Variants in UNC5D observed in about 807,000 individuals in gnomAD.
UNC5D encodes netrin receptor UNC5D.
Under a neutral mutation model 105.4 loss-of-function variants are expected in UNC5D, and 39 were observed. That is an observed-to-expected ratio of 0.37 (90% CI 0.29 to 0.48). The LOEUF is 0.48. Among genes scored for constraint, UNC5D ranks in the 20% least tolerant of loss-of-function variants. The pLI, the probability that UNC5D is intolerant of heterozygous loss-of-function variation, is 0.98. For synonymous variants in UNC5D, 452 were observed against 450.4 expected (o/e 1.00, Z -0.04); for missense variants, 991 against 1,202.4 (o/e 0.82, Z 2.60).
In UNC5D at chr8:35,309,468, A is replaced by G. The variant is rs1585552862; in HGVS notation, c.103+73581A>G. Reference sequence around the variant, plus strand: ...TCTTCTCAGGATTTGTGGGTCTTTGACTATGTTAACTGGGAAATATGTGTC... The same window carrying G: ...TCTTCTCAGGATTTGTGGGTCTTTGGCTATGTTAACTGGGAAATATGTGTC... On this transcript the variant is annotated intron_variant, in intron 1 of 16. Transcript: ENST00000404895. Among the ~76,000 whole-genome samples the G allele has an allele frequency of 2.0e-5, 3 of 152,194 alleles. No individual in the cohort carries two copies. The East Asian group carries it at 5.8e-4, about 29-fold the overall frequency.
intron 15 of UNC5D, among the ~76,000 whole-genome samples, chr8:35,772,887 G>A (rs1563752018): frequency 6.6e-6 from 1 of 150,490 alleles, no homozygotes. Context: ...GCTGGCTGTT[G>A]GCCAGAGGTC....
chr8:35,268,225 G>A (rs1805025298), intron 1 of UNC5D, among the ~76,000 whole-genome samples: 1 of 151,748 alleles, frequency 6.6e-6, no homozygotes, highest in South Asian at 2.1e-4. Flanking sequence ...AGTATCTTCT[G>A]ATTCTTTTTT....
chr8:35,436,530 C>A (rs16883922), intron 1 of UNC5D, among the ~76,000 whole-genome samples: 2 of 151,998 alleles, frequency 1.3e-5, no homozygotes, highest in East Asian at 3.9e-4. Context: ...TTGAGTATAC[C>A]AAAAACTGTG....
chr8:35,630,902 A>G (rs759406055), intron 4 of UNC5D, among the ~76,000 whole-genome samples: 50 of 152,218 alleles, frequency 3.3e-4, no homozygotes, highest in Non-Finnish European at 5.3e-4. Context: ...TAGCACTTGG[A>G]TGTCTCTGAG....
rs1056734658 is a variant in UNC5D, at chr8:35,795,003, G to A, written c.*4440G>A. 2.6e-5 allele frequency: 4 copies of A among 152,164 alleles called. No homozygotes were observed. Among genetic ancestry groups the A allele is most frequent in the African/African-American group, 7.2e-5 (3 of 41,412 alleles). 9.4% of individuals were successfully genotyped at this position (152,164 alleles called of 1,614,324 possible). A position where few individuals can be genotyped will look rare whatever the true frequency, so the allele number is the denominator to read the frequency against. On this transcript the variant is annotated 3_prime_UTR_variant, in exon 17 of 17. Transcript: ENST00000404895. ...ACTCATTGCTTTTTCCTTTTGCTGT[G>A]AAGATCATGGATTGGGAATGTCCTC...
intron 1 of UNC5D, among the ~76,000 whole-genome samples, chr8:35,437,235 A>G (rs1218617457): frequency 6.6e-6 from 1 of 152,062 alleles, no homozygotes; most frequent in Non-Finnish European, 1.5e-5. Flanking sequence ...AACATGTGCC[A>G]TTATCTATAG....
Position 35,492,184 on chromosome 8 carries a change from A to G in UNC5D, c.104-57108A>G, listed in dbSNP as rs547951352. Among the ~76,000 whole-genome samples, 22 of 151,940 alleles carry G rather than the reference A, an allele frequency of 1.4e-4. No homozygotes were observed. In the East Asian group the frequency reaches 4.1e-3, roughly 28 times the overall value. Reference sequence around the variant, plus strand: ...TTTCCTTAAGCAAAGAATGAGCTCCAAGTTTAGGTCAAATGCAACAGATAG... The same window carrying G: ...TTTCCTTAAGCAAAGAATGAGCTCCGAGTTTAGGTCAAATGCAACAGATAG... On this transcript the variant is annotated intron_variant, in intron 1 of 16. Transcript: ENST00000404895.
chr8:35,667,126 T>C (rs917430165), intron 4 of UNC5D, among the ~76,000 whole-genome samples: 8 of 152,122 alleles, frequency 5.3e-5, no homozygotes, highest in African/African-American at 1.9e-4. Flanking sequence ...TTTTCAAACT[T>C]GGAACATGTA....
intron 4 of UNC5D, among the ~76,000 whole-genome samples, chr8:35,645,393 C>T (rs1463150084): frequency 6.6e-6 from 1 of 152,082 alleles, no homozygotes; most frequent in Non-Finnish European, 1.5e-5. Context: ...AGACAAGCTG[C>T]CCAGCTTGCA....
At chr8:35,534,404 A>T (rs1033177085) in intron 1 of UNC5D, among the ~76,000 whole-genome samples, 7 of 152,070 alleles carry the variant, frequency 4.6e-5, no homozygotes, top group African/African-American at 1.7e-4. Flanking sequence ...ATTTGCAGTT[A>T]TGATGTTAAA....
intron 16 of UNC5D, among the ~76,000 whole-genome samples, chr8:35,777,056 C>T (rs937026736): frequency 1.3e-5 from 2 of 152,154 alleles, no homozygotes; most frequent in East Asian, 1.9e-4. Context: ...GAGTTCGAGA[C>T]CAGCCTGACC....
At chr8:35,785,458 C>T (rs1216739331) in intron 16 of UNC5D, among the ~76,000 whole-genome samples, 1 of 152,132 alleles carries the variant, frequency 6.6e-6, no homozygotes, top group African/African-American at 2.4e-5. Flanking sequence ...CTCCTGTGTT[C>T]AAGCGATTCT....
intron 4 of UNC5D, among the ~76,000 whole-genome samples, chr8:35,610,764 C>T (rs1474050164): frequency 6.6e-6 from 1 of 152,122 alleles, no homozygotes; most frequent in Admixed American, 6.5e-5. Context: ...TTTACTCTGA[C>T]AAATGCATAC....
At chr8:35,587,793 C>CT (rs577939213) in intron 3 of UNC5D, among the ~76,000 whole-genome samples, 1 of 151,480 alleles carries the variant, frequency 6.6e-6, no homozygotes, top group African/African-American at 2.4e-5. Flanking sequence ...AGAAAGGGAT[C>CT]TTTTTTTGGA....
chr8:35,265,583 T>C (rs1204078115), intron 1 of UNC5D, among the ~76,000 whole-genome samples: 1 of 152,052 alleles, frequency 6.6e-6, no homozygotes, highest in African/African-American at 2.4e-5. Context: ...ATAAAAATAA[T>C]ATGATGGCTG....
intron 4 of UNC5D, among the ~76,000 whole-genome samples, chr8:35,650,714 C>T (rs1337475261): frequency 1.3e-5 from 2 of 151,998 alleles, no homozygotes; most frequent in African/African-American, 2.4e-5. Context: ...TCAGGTGATC[C>T]GCCCACCTCG....
intron 1 of UNC5D, among the ~76,000 whole-genome samples, chr8:35,352,627 T>A (rs1585648390): frequency 1.3e-5 from 2 of 152,270 alleles, no homozygotes; most frequent in East Asian, 3.9e-4. Context: ...TTGCTTTTGG[T>A]TTCGAGACAG....
chr8:35,254,116 T>C, intron 1 of UNC5D, among the ~76,000 whole-genome samples: 1 of 152,216 alleles, frequency 6.6e-6, no homozygotes, highest in East Asian at 1.9e-4. Context: ...TAGGTATATT[T>C]ATTTCTCTTT....
intron 1 of UNC5D, among the ~76,000 whole-genome samples, chr8:35,517,302 G>A (rs1813163364): frequency 6.6e-6 from 1 of 152,196 alleles, no homozygotes; most frequent in Non-Finnish European, 1.5e-5. Flanking sequence ...GCATATGGGT[G>A]GAAAAACTAG....
Sources: gnomAD v4.1 joint callset for allele counts (sites outside exome capture counted in the v4.1 genomes callset) on GRCh38, gnomAD v4.1.1 for gene constraint, MANE v1.5 for transcripts, NCBI Gene and HGNC (gene_info 2026-07-23, HGNC 2026-07-21) for gene names.